The following ZNF217 variants were observed in gnomAD, a reference collection of about 807,000 sequenced individuals.
The protein encoded by ZNF217 is zinc finger protein 217.
A neutral mutation model predicts 73.3 loss-of-function variants in ZNF217; 12 were observed. The observed-to-expected ratio is 0.16, with a 90% CI of 0.10 to 0.27. The LOEUF is 0.27. Ranked by LOEUF, ZNF217 falls within the 10% of genes least tolerant of loss-of-function variation. The probability of loss-of-function intolerance (pLI) is 1.00; values close to 1 mark genes in which losing one functional copy is unlikely to be tolerated. For missense variants in ZNF217, 1,195 were observed against 1,327.8 expected (o/e 0.90, Z 1.55); for synonymous variants, 588 against 516.4 (o/e 1.14, Z -1.88).
At chr20:53,587,591 G>T (rs1024287880) in intron 1 of ZNF217, among the ~76,000 whole-genome samples, 2 of 151,968 alleles carry the variant, frequency 1.3e-5, no homozygotes, top group African/African-American at 2.4e-5. Context: ...CAAAAACACA[G>T]AAAAATTATA....
rs376006308 is a variant in ZNF217 at position 53,575,835 on chromosome 20, C to T, written c.2929G>A (p.Glu977Lys). 2.2e-5 allele frequency: 36 copies of T among 1,614,082 alleles called. No homozygotes were observed. In the Middle Eastern group the frequency reaches 6.6e-4, roughly 29 times the overall value. ...PPKPRFLSSSEVDSPNVLTVQ... is the reference protein window; with the variant it reads ...PPKPRFLSSSKVDSPNVLTVQ... ...GTCAGCACATTTGGAGAATCGACCT[C>T]GCTGGAGCTCAGGAACCTTGGTTTG... The change falls in exon 4 of 6, where the codon GAG (glutamate) becomes AAG (lysine). Residue 977 changes from glutamate to lysine, a missense_variant. This residue lies in a region of ZNF217 where 649 missense variants were observed against 642.8 expected (regional missense o/e 1.01). Transcript: ENST00000371471.
chr20:53,582,134 T>G lies in ZNF217; in HGVS notation c.693A>C (p.Leu231=). The change falls in exon 2 of 6, where the codon CTA becomes CTC. Residue 231 remains leucine (L), a synonymous_variant. Coordinates refer to ENST00000371471, the MANE Select transcript of ZNF217 (RefSeq NM_006526.3). The surrounding 1 kb of genome is among the most constrained non-coding windows in gnomAD (Gnocchi z 4.8). ...CGFLFPNKES[L]IEHRKVHTKK... Reference sequence around the variant, plus strand: ...TGGTGTGCACCTTGCGGTGCTCAATTAGACTTTCTTTATTTGGAAATAGGA... The same window carrying G: ...TGGTGTGCACCTTGCGGTGCTCAATGAGACTTTCTTTATTTGGAAATAGGA... The G allele has an allele frequency of 6.8e-6, 11 of 1,614,236 alleles. No homozygotes were observed. Among genetic ancestry groups the G allele is most frequent in the Non-Finnish European group, 9.3e-6 (11 of 1,180,042 alleles).
At chr20:53,587,848 G>A (rs188270314) in intron 1 of ZNF217, among the ~76,000 whole-genome samples, 1,599 of 148,612 alleles carry the variant, frequency 0.011, 30 homozygotes, top group African/African-American at 0.037. Flanking sequence ...ACTCTGCATA[G>A]CCATCTACTA....
At chr20:53,593,650 G>T (rs970948513) in intron 1 of ZNF217, 106 bp downstream of exon 1, 1 of 151,632 alleles carries the variant, frequency 6.6e-6, no homozygotes, top group East Asian at 1.9e-4. Context: ...TCATCCTGGG[G>T]GGGGACAAGA....
chr20:53,588,647 CCCA>C (rs1988785131), intron 1 of ZNF217, among the ~76,000 whole-genome samples: 1 of 151,474 alleles, frequency 6.6e-6, no homozygotes, highest in Non-Finnish European at 1.5e-5. Context: ...CACAACTATG[CCCA>C]CTACTAGACC....
chr20:53,570,815 G>A (rs898959532), intron 5 of ZNF217, among the ~76,000 whole-genome samples: 1 of 152,180 alleles, frequency 6.6e-6, no homozygotes, highest in African/African-American at 2.4e-5. Flanking sequence ...GTTGGGCATA[G>A]AGCCTGGATC....
chr20:53,573,189 C>G (rs889092423), intron 4 of ZNF217, among the ~76,000 whole-genome samples: 1 of 150,872 alleles, frequency 6.6e-6, no homozygotes, highest in Non-Finnish European at 1.5e-5. Context: ...ATGGCACAAT[C>G]TCAGCTCACC....
At chr20:53,585,305 C>G (rs1318922503) in intron 1 of ZNF217, among the ~76,000 whole-genome samples, 1 of 152,112 alleles carries the variant, frequency 6.6e-6, no homozygotes, top group Non-Finnish European at 1.5e-5. Flanking sequence ...CACACCTATA[C>G]TCCCAATGCT....
intron 3 of ZNF217, 69 bp downstream of exon 3, chr20:53,578,265 C>T: frequency 9.1e-7 from 1 of 1,102,592 alleles, no homozygotes. Context: ...ATCTGAACAA[C>T]AACAACAAAA....
chr20:53,585,181 G>A (rs1180311923), intron 1 of ZNF217, among the ~76,000 whole-genome samples: 7 of 149,176 alleles, frequency 4.7e-5, no homozygotes, highest in African/African-American at 9.9e-5. Context: ...TGACTAATAC[G>A]TGAAACTGTA....
Position 53,573,697 on chromosome 20 carries a change from G to A in ZNF217, c.3038-1844C>T, listed in dbSNP as rs935731701. On this transcript the variant is annotated intron_variant, in intron 4 of 5. Transcript: ENST00000371471. ...TGGTCTCCAACTCCTGGCCTCAATC[G>A]AGCTGCCCGCTTCAGCCTCCCAAAG... Among the ~76,000 whole-genome samples the A allele has an allele frequency of 9.2e-5, 14 of 152,206 alleles. No homozygotes were observed. The South Asian group carries it at 1.0e-3, about 11-fold the overall frequency.
In ZNF217 at chr20:53,582,151, G is replaced by T. The variant is rs996066769; in HGVS notation, c.676C>A (p.Pro226Thr). ...KICMVCGFLF[P>T]NKESLIEHRK... is the part of the protein sequence containing the mutation. ...TGCTCAATTAGACTTTCTTTATTTG[G>T]AAATAGGAAGCCACAAACCATGCAG... Residue 226 changes from proline to threonine, a missense_variant, in exon 2 of 6, where the codon CCA becomes ACA. Transcript: ENST00000371471. This position sits in a 1 kb window ranked among gnomAD's most constrained non-coding sequence, Gnocchi z 4.8. 5.6e-6 allele frequency: 9 copies of T among 1,614,034 alleles called. No individual in the cohort carries two copies. The African/African-American group carries it at 1.2e-4, about 22-fold the overall frequency.
chr20:53,592,380 TG>T (rs1568693551), intron 1 of ZNF217, among the ~76,000 whole-genome samples: 4 of 136,970 alleles, frequency 2.9e-5, no homozygotes, highest in South Asian at 5.5e-4. Context: ...TACCCTTTTC[TG>T]GGGGGTGGGG....
chr20:53,593,631 G>A (rs1421348325), intron 1 of ZNF217, 125 bp downstream of exon 1: 1 of 151,706 alleles, frequency 6.6e-6, no homozygotes, highest in Non-Finnish European at 1.5e-5. Context: ...CTGAGACGGG[G>A]AACTGAGGTC....
chr20:53,570,193 A>T (rs1987933248), intron 5 of ZNF217: 1 of 152,618 alleles, frequency 6.6e-6, no homozygotes, highest in African/African-American at 2.4e-5. Context: ...TTTATGTTTT[A>T]ATATAGAGTG....
Position 53,583,079 on chromosome 20 carries a change from A to G in ZNF217, c.-253T>C, listed in dbSNP as rs2145961590. The stretch of plus-strand genomic sequence containing the variant: ...TCGATTCAAATATGAATCAGCACAA[A>G]GCATTAGTTCTCTTTGTCTCCATTG... On this transcript the variant is annotated 5_prime_UTR_variant, in exon 2 of 6. Coordinates refer to ENST00000371471, the MANE Select transcript of ZNF217 (RefSeq NM_006526.3). The G allele has an allele frequency of 2.2e-6, 1 of 460,010 alleles. No individual in the cohort carries two copies. The highest frequency in any genetic ancestry group is 3.2e-5 in the East Asian group (1 of 31,024). The allele number at this position is 460,010 out of a possible 1,614,324, so 28.5% of individuals were successfully genotyped here. A position where few individuals can be genotyped will look rare whatever the true frequency, so the allele number is the denominator to read the frequency against.
intron 1 of ZNF217, among the ~76,000 whole-genome samples, chr20:53,586,047 G>A (rs1413645490): frequency 6.6e-6 from 1 of 152,118 alleles, no homozygotes; most frequent in Non-Finnish European, 1.5e-5. Flanking sequence ...TATTGTGACA[G>A]CTCAAGGATG....
At chr20:53,591,195 T>G (rs1026336103) in intron 1 of ZNF217, among the ~76,000 whole-genome samples, 1 of 152,136 alleles carries the variant, frequency 6.6e-6, no homozygotes, top group Non-Finnish European at 1.5e-5. Context: ...CCAACACAAC[T>G]GCTAAACTTC....
In ZNF217 at chr20:53,577,209, C is replaced by G. The variant is rs765070493; in HGVS notation, c.1555G>C (p.Glu519Gln). Reference protein sequence around the residue: ...AQKTSLRYHLERHHKEKQTDV... With the variant: ...AQKTSLRYHLQRHHKEKQTDV... The stretch of plus-strand genomic sequence containing the variant: ...GTTTGTTTTTCCTTGTGATGTCTCT[C>G]CAAGTGATACCTCAGAGATGTCTTC... The change falls in exon 4 of 6, where the codon GAG becomes CAG. Residue 519 changes from glutamate to glutamine, a missense_variant. By Grantham distance (29) the Glu-to-Gln change is conservative. This residue lies in a region of ZNF217 where 12 missense variants were observed against 53.8 expected (regional missense o/e 0.22). Coordinates refer to ENST00000371471, the MANE Select transcript of ZNF217 (RefSeq NM_006526.3). 17 of 1,609,794 alleles carry G rather than the reference C, an allele frequency of 1.1e-5. No homozygotes were observed. Among genetic ancestry groups the G allele is most frequent in the Non-Finnish European group, 1.7e-6 (2 of 1,180,028 alleles).
Sources: allele counts gnomAD v4.1 joint callset (sites outside exome capture counted in the v4.1 genomes callset), GRCh38; gene constraint gnomAD v4.1.1; regional missense constraint gnomAD v4.1.1; non-coding constraint Gnocchi (gnomAD v3.1); transcripts MANE v1.5; gene names NCBI Gene and HGNC (gene_info 2026-07-23, HGNC 2026-07-21).